B3GALT1: variants seen among roughly 807,000 people sequenced by gnomAD.
The protein encoded by B3GALT1 is beta-1,3-galactosyltransferase 1, also known as UDP-Gal:betaGlcNAc beta 1,3-galactosyltransferase, polypeptide 1.
In B3GALT1, 10 loss-of-function variants were observed where a neutral mutation model predicts 23.2. The observed-to-expected ratio is 0.43, with a 90% CI of 0.27 to 0.73. B3GALT1 has a LOEUF of 0.73. B3GALT1 is among the 30% of genes least tolerant of loss of function. B3GALT1 has a pLI of 0.21. For missense variants in B3GALT1, 299 were observed against 405.4 expected (o/e 0.74, Z 2.25); for synonymous variants, 156 against 141.5 (o/e 1.10, Z -0.73).
rs550332328 is a variant in B3GALT1 at position 167,375,472 on chromosome 2, T to C, written c.-511+82138T>C. 3.3e-5 allele frequency among the ~76,000 whole-genome samples: 5 copies of C among 152,218 alleles called. No individual in the cohort carries two copies. The South Asian group carries it at 1.0e-3, about 32-fold the overall frequency. ...TGATGTGATTCTTCCAATTCATGAG[T>C]ATGGAGTGTTTTTCCATTTGTTTGT... On this transcript the variant is annotated intron_variant, in intron 1 of 4. Coordinates refer to ENST00000392690, the MANE Select transcript of B3GALT1 (RefSeq NM_020981.4).
chr2:167,626,963 A>G (rs960312490), intron 2 of B3GALT1, among the ~76,000 whole-genome samples: 2 of 151,694 alleles, frequency 1.3e-5, no homozygotes, highest in Non-Finnish European at 3.0e-5. Context: ...CAATTATCAC[A>G]GTGTATGTTT....
At chr2:167,533,702 T>C (rs1683369358) in intron 2 of B3GALT1, among the ~76,000 whole-genome samples, 1 of 152,196 alleles carries the variant, frequency 6.6e-6, no homozygotes, top group South Asian at 2.1e-4. Flanking sequence ...TTGCTGTGCT[T>C]GATAGTTATT....
chr2:167,790,025 C>G (rs553685422), intron 3 of B3GALT1, among the ~76,000 whole-genome samples: 8 of 152,210 alleles, frequency 5.3e-5, no homozygotes, highest in Non-Finnish European at 1.0e-4. Context: ...AAGACAATTA[C>G]AAGAGACAGG....
chr2:167,465,436 C>T (rs913421233), intron 1 of B3GALT1, among the ~76,000 whole-genome samples: 5 of 152,134 alleles, frequency 3.3e-5, no homozygotes, highest in African/African-American at 1.2e-4. Flanking sequence ...ATCAAGTCTC[C>T]AGCAGATTCA....
intron 1 of B3GALT1, among the ~76,000 whole-genome samples, chr2:167,409,669 T>C (rs1241481267): frequency 6.6e-6 from 1 of 152,134 alleles, no homozygotes; most frequent in Non-Finnish European, 1.5e-5. Context: ...TTATCAAGGT[T>C]CTTAGCTTCC....
intron 1 of B3GALT1, among the ~76,000 whole-genome samples, chr2:167,459,036 A>G (rs189263923): frequency 1.3e-5 from 2 of 152,248 alleles, no homozygotes; most frequent in East Asian, 1.9e-4. Flanking sequence ...TGTAGACAGA[A>G]TGTAGTTGGA....
At chr2:167,849,814 C>T (rs531221035) in intron 4 of B3GALT1, among the ~76,000 whole-genome samples, 17 of 148,960 alleles carry the variant, frequency 1.1e-4, no homozygotes, top group African/African-American at 3.2e-4. Flanking sequence ...GGCGTGAACC[C>T]GGGAGGCGGA....
At chr2:167,861,171 C>T (rs1036644864) in intron 4 of B3GALT1, among the ~76,000 whole-genome samples, 6 of 152,138 alleles carry the variant, frequency 3.9e-5, no homozygotes, top group Non-Finnish European at 5.9e-5. Flanking sequence ...AGTTGTTCAA[C>T]ACGTTATTAA....
chr2:167,423,773 G>A (rs978991868), intron 1 of B3GALT1, among the ~76,000 whole-genome samples: 4 of 152,038 alleles, frequency 2.6e-5, no homozygotes, highest in African/African-American at 9.7e-5. Context: ...TGGTACTTCT[G>A]TTTCCACATT....
chr2:167,691,679 T>C (rs1254953360), intron 3 of B3GALT1, among the ~76,000 whole-genome samples: 1 of 152,180 alleles, frequency 6.6e-6, no homozygotes, highest in Non-Finnish European at 1.5e-5. Flanking sequence ...TGTTGTGTAA[T>C]GTGTATTTGC....
At chr2:167,853,029 A>AAATT (rs1341424202) in intron 4 of B3GALT1, among the ~76,000 whole-genome samples, 1 of 152,194 alleles carries the variant, frequency 6.6e-6, no homozygotes, top group African/African-American at 2.4e-5. Context: ...AGCAATTGAA[A>AAATT]AATTAACCTA....
intron 2 of B3GALT1, among the ~76,000 whole-genome samples, chr2:167,575,898 G>A (rs1057314898): frequency 2.0e-5 from 3 of 151,460 alleles, no homozygotes; most frequent in Non-Finnish European, 4.4e-5. Context: ...CAATTTCCAG[G>A]GTACACATGA....
intron 1 of B3GALT1, among the ~76,000 whole-genome samples, chr2:167,471,252 G>A (rs1256077201): frequency 1.3e-5 from 2 of 151,998 alleles, no homozygotes; most frequent in African/African-American, 4.8e-5. Flanking sequence ...AATAAAAATC[G>A]ACACTTGATT....
chr2:167,858,685 C>A (rs1690044531), intron 4 of B3GALT1, among the ~76,000 whole-genome samples: 1 of 152,072 alleles, frequency 6.6e-6, no homozygotes, highest in South Asian at 2.1e-4. Context: ...TCTTCCAATG[C>A]CATAAGGCTG....
intron 2 of B3GALT1, among the ~76,000 whole-genome samples, chr2:167,540,762 T>G (rs1333600897): frequency 1.3e-5 from 2 of 152,210 alleles, no homozygotes; most frequent in Admixed American, 6.5e-5. Flanking sequence ...CACTCCCTAT[T>G]AAGTCTAATT....
intron 4 of B3GALT1, among the ~76,000 whole-genome samples, chr2:167,867,735 T>C (rs1690262432): frequency 6.6e-6 from 1 of 152,190 alleles, no homozygotes. Context: ...ATCTCTGCCT[T>C]CCAGGACTAC....
intron 2 of B3GALT1, among the ~76,000 whole-genome samples, chr2:167,625,602 C>T (rs950505856): frequency 4.0e-5 from 6 of 151,736 alleles, no homozygotes; most frequent in South Asian, 2.1e-4. Context: ...AGGGAAAATC[C>T]GCTAATATCC....
intron 3 of B3GALT1, among the ~76,000 whole-genome samples, chr2:167,660,110 C>T (rs1406376170): frequency 6.6e-6 from 1 of 152,076 alleles, no homozygotes; most frequent in Non-Finnish European, 1.5e-5. Flanking sequence ...ATAAACATAT[C>T]AGGATGTTTT....
chr2:167,719,084 A>G (rs909509145), intron 3 of B3GALT1, among the ~76,000 whole-genome samples: 2 of 152,224 alleles, frequency 1.3e-5, no homozygotes, highest in East Asian at 1.9e-4. Context: ...AATCTAAAAA[A>G]TAGCATTAGT....
Sources: allele counts gnomAD v4.1 joint callset (sites outside exome capture counted in the v4.1 genomes callset), GRCh38; gene constraint gnomAD v4.1.1; transcripts MANE v1.5; gene names NCBI Gene and HGNC (gene_info 2026-07-23, HGNC 2026-07-21).